Variants in GGT5 observed in about 807,000 individuals in gnomAD.
The protein encoded by GGT5 is gamma-glutamyltransferase 5, also known as glutathione hydrolase 5 proenzyme.
Under a neutral mutation model 58.1 loss-of-function variants are expected in GGT5, and 50 were observed. The ratio of observed to expected loss-of-function variants is 0.86; its 90% CI spans 0.69 to 1.09. The LOEUF (loss-of-function observed/expected upper bound fraction) is 1.09, where lower values mean the gene tolerates loss of function less well. GGT5 is among the 50% of genes least tolerant of loss of function. The pLI, the probability that GGT5 is intolerant of heterozygous loss-of-function variation, is 0.00. For synonymous variants in GGT5, 370 were observed against 346.1 expected, an observed-to-expected ratio of 1.07 and a Z score of -0.77; for missense variants, 800 against 789.4, an observed-to-expected ratio of 1.01 and a Z score of -0.16.
rs1205056173 is a variant in GGT5, at chr22:24,225,552, A to G, written c.1330T>C (p.Ser444Pro). ...TGGGAAGCTTTGTTCTCACCAGGTG[A>G]GGGGGTGGTGCCGGAACCCCGGGGG... Reference protein sequence around the residue: ...RCPRGSGTTPSPVSGDRVGGA... With the variant: ...RCPRGSGTTPPPVSGDRVGGA... Residue 444 changes from serine (S) to proline (P), a missense_variant, in exon 9 of 12, where the codon TCA becomes CCA. Physicochemically the swap from Ser to Pro is moderately conservative, Grantham distance 74. Transcript: ENST00000327365. 1 of 1,607,832 alleles carries G rather than the reference A, an allele frequency of 6.2e-7. No individual in the cohort carries two copies. Among genetic ancestry groups the G allele is most frequent in the Non-Finnish European group, 8.5e-7 (1 of 1,174,472 alleles).
At chr22:24,232,001 T>G (rs779504056) in intron 5 of GGT5, 50 bp downstream of exon 5, 8 of 1,530,698 alleles carry the variant, frequency 5.2e-6, no homozygotes, top group Admixed American at 5.1e-5. Flanking sequence ...TGCCCAGAAC[T>G]TGGCTCTTCC....
At chr22:24,223,115 G>A (rs1445527409) in intron 11 of GGT5, among the ~76,000 whole-genome samples, 2 of 151,728 alleles carry the variant, frequency 1.3e-5, no homozygotes, top group Admixed American at 6.6e-5. Context: ...AAAGAGTCAA[G>A]GGAGGGCCAG....
rs529777566 is a variant in GGT5, at chr22:24,236,039, C to T, written c.174-2035G>A. The stretch of plus-strand genomic sequence containing the variant: ...CCATCCAGGCTCATGGCATGAGATG[C>T]AACCTGTGTGATGGTAACTCCCCGA... On this transcript the variant is annotated intron_variant, in intron 1 of 11. Transcript: ENST00000327365. Among the ~76,000 whole-genome samples, 4 of 152,222 alleles carry T rather than the reference C, an allele frequency of 2.6e-5. No individual in the cohort carries two copies. In the South Asian group the frequency reaches 8.3e-4, roughly 32 times the overall value.
intron 11 of GGT5, among the ~76,000 whole-genome samples, chr22:24,222,745 AG>A (rs1348853341): frequency 6.6e-6 from 1 of 152,224 alleles, no homozygotes; most frequent in Non-Finnish European, 1.5e-5. Flanking sequence ...AAAGGTCCTG[AG>A]AATTGATGTT....
At position 24,244,795 on chromosome 22, in the gene GGT5, T is replaced by G; in HGVS notation, c.-70A>C. 6.6e-7 allele frequency: 1 copy of G among 1,512,630 alleles called. No homozygotes were observed. Among genetic ancestry groups the G allele is most frequent in the Non-Finnish European group, 8.9e-7 (1 of 1,128,028 alleles). 93.7% of individuals were successfully genotyped at this position (1,512,630 alleles called of 1,614,324 possible). A position where few individuals can be genotyped will look rare whatever the true frequency, so the allele number is the denominator to read the frequency against. On this transcript the variant is annotated 5_prime_UTR_variant, in exon 1 of 12. Transcript: ENST00000327365. ...AGGGACGGATGGGTGGGCAGATGAA[T>G]GGACAAGAAGATGCACAGAGTCACA...
chr22:24,238,854 A>T (rs1365141843), intron 1 of GGT5, among the ~76,000 whole-genome samples: 1 of 15,752 alleles, frequency 6.3e-5, no homozygotes, highest in Admixed American at 1.3e-3. Context: ...TATTATATAT[A>T]TTATATATAT....
intron 1 of GGT5, among the ~76,000 whole-genome samples, chr22:24,234,289 C>A (rs1449675015): frequency 6.6e-6 from 1 of 152,218 alleles, no homozygotes. Context: ...TTGTTCCCAG[C>A]AGCACCAGCT....
Position 24,233,008 on chromosome 22 carries a change from C to T in GGT5, c.411G>A (p.Trp137Ter). ...CACGGAGCTCCCCGGGCACCCCGAT[C>T]CACTGGGCCCCTGCATGGCACATCC... ...QALPLGTGAQ[W>*]IGVPGELRGY... Residue 137 changes from tryptophan to a stop codon, truncating the protein, a stop_gained, in exon 4 of 12, where the codon TGG (tryptophan) becomes TGA (stop). Transcript: ENST00000327365. LOFTEE classifies it high-confidence loss of function. 1 of 1,534,844 alleles carries T rather than the reference C, an allele frequency of 6.5e-7. No individual in the cohort carries two copies. The highest frequency in any genetic ancestry group is 8.8e-7 in the Non-Finnish European group (1 of 1,139,032).
At chr22:24,225,902 G>T (rs2047745677) in intron 8 of GGT5, among the ~76,000 whole-genome samples, 174 bp downstream of exon 8, 1 of 152,114 alleles carries the variant, frequency 6.6e-6, no homozygotes. Context: ...CCCAGCAGCA[G>T]CCTTTCCAGC....
At position 24,221,024 on chromosome 22, in the gene GGT5, TG is replaced by T. The variant is rs566460478; in HGVS notation, c.1615-909del. 3.2e-3 allele frequency among the ~76,000 whole-genome samples: 472 copies of T among 149,486 alleles called. 6 individuals are homozygous for T. Among genetic ancestry groups the T allele is most frequent in the African/African-American group, 0.011 (433 of 40,544 alleles). ...TTGATCATGACACTGCACTCCAGCC[TG>T]GGCAAAACAGCAAGACTGAAACCGC... On this transcript the variant is annotated intron_variant, in intron 11 of 11. Transcript: ENST00000327365.
intron 1 of GGT5, chr22:24,241,926 C>G (rs1227018845): frequency 6.6e-6 from 1 of 151,444 alleles, no homozygotes; most frequent in Non-Finnish European, 1.5e-5. Flanking sequence ...AAGTGATTCT[C>G]CTGTCTCAGC....
chr22:24,238,963 A>G (rs1172490693), intron 1 of GGT5, among the ~76,000 whole-genome samples: 1 of 75,052 alleles, frequency 1.3e-5, no homozygotes, highest in African/African-American at 5.2e-5. Flanking sequence ...TATATAATAT[A>G]TATATAGCCC....
chr22:24,237,169 G>A (rs2048123037), intron 1 of GGT5, among the ~76,000 whole-genome samples: 1 of 152,058 alleles, frequency 6.6e-6, no homozygotes, highest in African/African-American at 2.4e-5. Context: ...CTGAGTAGCT[G>A]GGACTATAGG....
Position 24,220,090 on chromosome 22 carries a change from A to T in GGT5, c.1641T>A (p.Arg547=). Residue 547 remains arginine (R), a synonymous_variant, in exon 12 of 12, where the codon CGT becomes CGA. Coordinates refer to ENST00000327365, the MANE Select transcript of GGT5 (RefSeq NM_004121.5). ...AGGGCCTCTGGGTCTGGTTCTGGCC[A>T]CGGTCTTGGAGTCCCCTCTGCACCT... ...SQEVQRGLQD[R]GQNQTQRPFF... is the part of the protein sequence containing the mutation. 1 of 1,614,200 alleles carries T rather than the reference A, an allele frequency of 6.2e-7. No individual in the cohort carries two copies. The highest frequency in any genetic ancestry group is 1.1e-5 in the South Asian group (1 of 91,082).
intron 11 of GGT5, 109 bp from the exon 12 acceptor site, chr22:24,220,225 G>A (rs1355002708): frequency 1.9e-6 from 2 of 1,053,038 alleles, no homozygotes; most frequent in East Asian, 5.1e-5. Flanking sequence ...AAGACGGAGA[G>A]GAAGAGGGCC....
intron 1 of GGT5, among the ~76,000 whole-genome samples, chr22:24,236,990 CT>C (rs2048115907): frequency 7.0e-6 from 1 of 142,646 alleles, no homozygotes; most frequent in Non-Finnish European, 1.5e-5. Flanking sequence ...ATCAGGGATT[CT>C]TTTTTTCTTT....
At chr22:24,220,188 A>C in intron 11 of GGT5, 72 bp from the exon 12 acceptor site, 1 of 1,445,642 alleles carries the variant, frequency 6.9e-7, no homozygotes. Context: ...AGGCCTCTGC[A>C]AGAAATGAGA....
At position 24,233,589 on chromosome 22, in the gene GGT5, C is replaced by T. The variant is rs751128952; in HGVS notation, c.309G>A (p.Lys103=). 2 of 1,603,868 alleles carry T rather than the reference C, an allele frequency of 1.2e-6. No homozygotes were observed. Among genetic ancestry groups the T allele is most frequent in the Non-Finnish European group, 1.7e-6 (2 of 1,174,450 alleles). ...TCTCCCGGGCATTGATGACCTCCAC[C>T]TTCCCTGGAGTAGGGCAGGGCAGGT... The part of the protein sequence containing the change: ...IFTIYNVTTG[K]VEVINARETV... Residue 103 remains lysine (K), a synonymous_variant, in exon 3 of 12, where the codon AAG becomes AAA. Transcript: ENST00000327365.
rs147833073 is a variant in GGT5, at chr22:24,232,834, C to T, written c.585G>A (p.Ala195=). The T allele has an allele frequency of 6.0e-5, 92 of 1,533,994 alleles. No homozygotes were observed. In the African/African-American group the frequency reaches 1.0e-3, roughly 17 times the overall value. The change falls in exon 4 of 12, where the codon GCG becomes GCA. Residue 195 remains alanine (A), a synonymous_variant. Transcript: ENST00000327365. ...HNSILRPSLQ[A]STLRQLFFNG... is the part of the protein sequence containing the mutation. ...CATGTGGGGCTCACCGCAGGGTTGA[C>T]GCCTGCAAGGAAGGCCGCAGGATGC...
Sources: gnomAD v4.1 joint callset for allele counts (sites outside exome capture counted in the v4.1 genomes callset) on GRCh38, gnomAD v4.1.1 for gene constraint, MANE v1.5 for transcripts, NCBI Gene and HGNC (gene_info 2026-07-23, HGNC 2026-07-21) for gene names.